Variants in EXPH5 observed in about 807,000 individuals in gnomAD.
EXPH5 encodes exophilin 5, also known as exophilin-5.
Under a neutral mutation model 41.1 loss-of-function variants are expected in EXPH5, and 42 were observed. The ratio of observed to expected loss-of-function variants is 1.02; its 90% CI spans 0.80 to 1.32. The LOEUF is 1.32. Ranked by LOEUF, EXPH5 falls within the 40% of genes most tolerant of loss-of-function variation. The pLI, the probability that EXPH5 is intolerant of heterozygous loss-of-function variation, is 0.00. For synonymous variants in EXPH5, 798 were observed against 833.5 expected (o/e 0.96, Z 0.73); for missense variants, 2,298 against 2,314.5 (o/e 0.99, Z 0.15).
chr11:108,591,467 A>G (rs2094127444), intron 1 of EXPH5, among the ~76,000 whole-genome samples: 1 of 152,240 alleles, frequency 6.6e-6, no homozygotes, highest in Non-Finnish European at 1.5e-5. Flanking sequence ...AAAAGACAGT[A>G]CTAGAAATCA....
At position 108,511,590 on chromosome 11, in the gene EXPH5, G is replaced by A. The variant is rs1228319313; in HGVS notation, c.3917C>T (p.Ser1306Leu). ...TAGATTTTCACATGAAGGTGTTCCT[G>A]ACTGCTCTCGTGTAGAATAATTCTG... ...DKQNYSTREQ[S>L]GTPSCENLKM... The change falls in exon 6 of 6, where the codon TCA becomes TTA. Residue 1306 changes from serine to leucine, a missense_variant. Ser to Leu is a moderately radical substitution (Grantham distance 145). Transcript: ENST00000265843. 6.2e-7 allele frequency: 1 copy of A among 1,613,598 alleles called. No individual in the cohort carries two copies. The highest frequency in any genetic ancestry group is 1.3e-5 in the African/African-American group (1 of 74,924).
chr11:108,574,452 G>A (rs1400793607), intron 1 of EXPH5, among the ~76,000 whole-genome samples: 1 of 151,754 alleles, frequency 6.6e-6, no homozygotes, highest in Non-Finnish European at 1.5e-5. Context: ...TTCAGATAAA[G>A]AGAAGTGTGC....
At chr11:108,550,556 A>C (rs1382811559) in intron 1 of EXPH5, among the ~76,000 whole-genome samples, 1 of 152,166 alleles carries the variant, frequency 6.6e-6, no homozygotes, top group African/African-American at 2.4e-5. Flanking sequence ...AGGCAGACGG[A>C]TCATTTGAGG....
the EXPH5 span, among the ~76,000 whole-genome samples, chr11:108,600,792 C>T: frequency 1.3e-5 from 2 of 152,154 alleles, no homozygotes; most frequent in Admixed American, 1.3e-4. Context: ...CTAGCCATCC[C>T]TTTTTCCACC....
chr11:108,574,869 T>C (rs533944732), intron 1 of EXPH5, among the ~76,000 whole-genome samples: 3 of 152,368 alleles, frequency 2.0e-5, no homozygotes, highest in South Asian at 4.1e-4. Context: ...ATTTCCTTTT[T>C]CTTTCTGCCT....
chr11:108,526,291 C>G (rs2093798485), intron 4 of EXPH5, among the ~76,000 whole-genome samples: 1 of 152,084 alleles, frequency 6.6e-6, no homozygotes, highest in Non-Finnish European at 1.5e-5. Context: ...CCCTTATTTG[C>G]CCAGCTCTTG....
In EXPH5 at chr11:108,510,699, C is replaced by A. The variant is rs1409940512; in HGVS notation, c.4808G>T (p.Arg1603Ile). The A allele has an allele frequency of 6.2e-7, 1 of 1,614,204 alleles. No homozygotes were observed. The highest frequency in any genetic ancestry group is 1.1e-5 in the South Asian group (1 of 91,084). Reference sequence around the variant, plus strand: ...GCTTACATCTTTAGCTGGGAATTTTCTGCTGGCTTTAGACATGGCTGCCAA... The same window carrying A: ...GCTTACATCTTTAGCTGGGAATTTTATGCTGGCTTTAGACATGGCTGCCAA... The part of the protein sequence containing the change: ...HRLAAMSKAS[R>I]KFPAKDVSPR... The change falls in exon 6 of 6, where the codon AGA becomes ATA. Residue 1603 changes from arginine to isoleucine, a missense_variant. By Grantham distance (97) the Arg-to-Ile change is moderately conservative. Coordinates refer to ENST00000265843, the MANE Select transcript of EXPH5 (RefSeq NM_015065.3).
At chr11:108,538,168 C>T (rs1464514063) in intron 3 of EXPH5, 1 of 985,406 alleles carries the variant, frequency 1.0e-6, no homozygotes, top group Non-Finnish European at 1.2e-6. Context: ...CTTGCTGCCT[C>T]TTGTTTCTCA....
intron 4 of EXPH5, among the ~76,000 whole-genome samples, chr11:108,525,236 G>A (rs1025724845): frequency 1.3e-5 from 2 of 152,164 alleles, no homozygotes; most frequent in Non-Finnish European, 2.9e-5. Flanking sequence ...TTTATCAGCA[G>A]CATGAAAACA....
intron 1 of EXPH5, among the ~76,000 whole-genome samples, chr11:108,585,726 G>T (rs1225203121): frequency 1.3e-5 from 2 of 152,126 alleles, no homozygotes; most frequent in East Asian, 3.9e-4. Flanking sequence ...GCAAATTCAA[G>T]AATATGATCC....
At chr11:108,565,332 G>A (rs1027251377) in intron 1 of EXPH5, among the ~76,000 whole-genome samples, 2 of 152,136 alleles carry the variant, frequency 1.3e-5, no homozygotes, top group Non-Finnish European at 2.9e-5. Context: ...GGCAACTCTT[G>A]GCATTTGCTT....
chr11:108,564,020 C>T (rs2094023946), intron 1 of EXPH5, among the ~76,000 whole-genome samples: 1 of 152,138 alleles, frequency 6.6e-6, no homozygotes, highest in African/African-American at 2.4e-5. Context: ...TGGCTCATGC[C>T]TGTAATCCTA....
intron 1 of EXPH5, among the ~76,000 whole-genome samples, chr11:108,590,187 A>C (rs1474445349): frequency 1.3e-5 from 2 of 152,158 alleles, no homozygotes; most frequent in Non-Finnish European, 2.9e-5. Context: ...AATGTGCAAA[A>C]TCTGTCCATT....
In EXPH5 at chr11:108,513,340, C is replaced by A; in HGVS notation, c.2167G>T (p.Ala723Ser). The A allele has an allele frequency of 6.2e-7, 1 of 1,613,914 alleles. No homozygotes were observed. The change falls in exon 6 of 6, where the codon GCA (alanine) becomes TCA (serine). Residue 723 changes from alanine (A) to serine (S), a missense_variant. Physicochemically the swap from Ala to Ser is moderately conservative, Grantham distance 99. Coordinates refer to ENST00000265843, the MANE Select transcript of EXPH5 (RefSeq NM_015065.3). ...QLSKMDQTNK[A>S]GEIPQPVSQT... is the part of the protein sequence containing the mutation. ...GAAACAGGTTGGGGTATTTCACCTG[C>A]CTTGTTTGTCTGGTCCATCTTGCTT...
At chr11:108,529,912 C>G (rs994191058) in intron 3 of EXPH5, among the ~76,000 whole-genome samples, 1 of 151,914 alleles carries the variant, frequency 6.6e-6, no homozygotes, top group African/African-American at 2.4e-5. Context: ...AGGCCCTTTC[C>G]TCCACTGACA....
chr11:108,582,643 A>C (rs1008981483), intron 1 of EXPH5, among the ~76,000 whole-genome samples: 1 of 152,186 alleles, frequency 6.6e-6, no homozygotes, highest in African/African-American at 2.4e-5. Context: ...TTCTCAGGCT[A>C]CCCCAATAAA....
chr11:108,602,095 G>C, the EXPH5 span, among the ~76,000 whole-genome samples: 1 of 152,130 alleles, frequency 6.6e-6, no homozygotes, highest in Non-Finnish European at 1.5e-5. Context: ...TTTAAGGCTG[G>C]TCCAACTGTG....
intron 1 of EXPH5, among the ~76,000 whole-genome samples, chr11:108,561,700 G>A (rs192355997): frequency 5.8e-4 from 88 of 152,230 alleles, no homozygotes; most frequent in South Asian, 6.2e-4. Context: ...ACTTAATAAC[G>A]TCTTTCCTCT....
rs539249185 is a variant in EXPH5, at chr11:108,513,796, T to A, written c.1711A>T (p.Thr571Ser). Residue 571 changes from threonine (T) to serine (S), a missense_variant, in exon 6 of 6, where the codon ACC becomes TCC. Thr to Ser is a moderately conservative substitution (Grantham distance 58). Coordinates refer to ENST00000265843, the MANE Select transcript of EXPH5 (RefSeq NM_015065.3). ...GTGCCAAAATGAGGAGTCAACTGGG[T>A]CTCATTACCATGTGATACCACCATG... ...DSMVVSHGNE[T>S]QLTPHFGTPN... is the part of the protein sequence containing the mutation. 11 of 1,600,772 alleles carry A rather than the reference T, an allele frequency of 6.9e-6. 1 individual carries two copies. The South Asian group carries it at 1.1e-4, about 17-fold the overall frequency.
Sources: allele counts gnomAD v4.1 joint callset (sites outside exome capture counted in the v4.1 genomes callset), GRCh38; gene constraint gnomAD v4.1.1; transcripts MANE v1.5; gene names NCBI Gene and HGNC (gene_info 2026-07-23, HGNC 2026-07-21).